The following NTNG1 variants were observed in gnomAD, a reference collection of about 807,000 sequenced individuals.
The protein encoded by NTNG1 is netrin G1, also known as netrin-G1.
NTNG1 carries 16 observed loss-of-function variants against 54.0 expected under a neutral mutation model. The ratio of observed to expected loss-of-function variants is 0.30; its 90% CI spans 0.20 to 0.45. The LOEUF (loss-of-function observed/expected upper bound fraction) is 0.45. Among genes scored for constraint, NTNG1 ranks in the 20% least tolerant of loss-of-function variants. The probability of loss-of-function intolerance (pLI) is 1.00; values close to 1 mark genes in which losing one functional copy is unlikely to be tolerated. For missense variants in NTNG1, 530 were observed against 678.7 expected, an observed-to-expected ratio of 0.78 and a Z score of 2.43; for synonymous variants, 255 against 263.1, an observed-to-expected ratio of 0.97 and a Z score of 0.30.
At chr1:107,257,375 T>C (rs1270453366) in intron 2 of NTNG1, among the ~76,000 whole-genome samples, 1 of 152,188 alleles carries the variant, frequency 6.6e-6, no homozygotes, top group African/African-American at 2.4e-5. Context: ...CTTCCAAATA[T>C]TTATTTTGTA....
intron 5 of NTNG1, among the ~76,000 whole-genome samples, chr1:107,426,931 T>A (rs1453876165): frequency 6.6e-6 from 1 of 152,056 alleles, no homozygotes; most frequent in Non-Finnish European, 1.5e-5. Flanking sequence ...TATTTTATTT[T>A]ATTTTGGGGG....
intron 2 of NTNG1, among the ~76,000 whole-genome samples, chr1:107,231,216 A>G (rs963935765): frequency 1.3e-5 from 2 of 152,190 alleles, no homozygotes; most frequent in African/African-American, 4.8e-5. Context: ...TGATCATCAT[A>G]AAAATCAATT....
chr1:107,237,090 T>A (rs747481947), intron 2 of NTNG1, among the ~76,000 whole-genome samples: 1 of 152,190 alleles, frequency 6.6e-6, no homozygotes, highest in Non-Finnish European at 1.5e-5. Context: ...TAGAGACCTG[T>A]TGAATGTCTT....
At chr1:107,412,146 A>T (rs1016016052) in intron 5 of NTNG1, among the ~76,000 whole-genome samples, 1 of 151,088 alleles carries the variant, frequency 6.6e-6, no homozygotes, top group Admixed American at 6.6e-5. Context: ...TTTGCCAGTT[A>T]TCTCTGTGGG....
intron 2 of NTNG1, among the ~76,000 whole-genome samples, chr1:107,281,813 C>A (rs1417737548): frequency 6.6e-6 from 1 of 152,080 alleles, no homozygotes; most frequent in Non-Finnish European, 1.5e-5. Context: ...AGTTACTAAG[C>A]ATACTTTGCA....
Position 107,188,949 on chromosome 1 carries a change from A to G in NTNG1, c.246+40110A>G, listed in dbSNP as rs188995536. ...CAAATTGGATAATGGCATACAAATC[A>G]ATGGAATTTTTCAGAGTATTAATTC... On this transcript the variant is annotated intron_variant, in intron 2 of 7. Transcript: ENST00000370068. 3.3e-5 allele frequency among the ~76,000 whole-genome samples: 5 copies of G among 152,234 alleles called. No individual in the cohort carries two copies. The East Asian group carries it at 9.7e-4, about 29-fold the overall frequency.
intron 3 of NTNG1, among the ~76,000 whole-genome samples, chr1:107,369,512 T>C (rs1670795073): frequency 6.6e-6 from 1 of 152,164 alleles, no homozygotes; most frequent in South Asian, 2.1e-4. Context: ...GCATTGAACA[T>C]CTTTCATTTG....
intron 7 of NTNG1, among the ~76,000 whole-genome samples, chr1:107,444,480 AGG>A (rs999994907): frequency 1.1e-4 from 16 of 152,122 alleles, no homozygotes; most frequent in African/African-American, 3.1e-4. Context: ...AGCTTAGCCT[AGG>A]GCAAATGCAG....
At chr1:107,251,857 T>C (rs1440103700) in intron 2 of NTNG1, among the ~76,000 whole-genome samples, 1 of 152,212 alleles carries the variant, frequency 6.6e-6, no homozygotes. Context: ...GTGCATAGTT[T>C]ATGCTTTTTC....
chr1:107,228,620 C>T (rs1660843482), intron 2 of NTNG1, among the ~76,000 whole-genome samples: 1 of 152,148 alleles, frequency 6.6e-6, no homozygotes, highest in South Asian at 2.1e-4. Flanking sequence ...AGATAGTTTA[C>T]AATAACTTTA....
At chr1:107,206,793 A>G (rs1659226044) in intron 2 of NTNG1, among the ~76,000 whole-genome samples, 1 of 152,288 alleles carries the variant, frequency 6.6e-6, no homozygotes, top group African/African-American at 2.4e-5. Context: ...TTATGAGTGA[A>G]TCAGAGACAA....
intron 2 of NTNG1, among the ~76,000 whole-genome samples, chr1:107,170,589 A>G (rs1010124801): frequency 6.6e-6 from 1 of 152,170 alleles, no homozygotes; most frequent in Non-Finnish European, 1.5e-5. Context: ...CCAGATATAA[A>G]TGGAACATAA....
At chr1:107,248,609 A>G (rs1662356532) in intron 2 of NTNG1, among the ~76,000 whole-genome samples, 1 of 152,218 alleles carries the variant, frequency 6.6e-6, no homozygotes, top group African/African-American at 2.4e-5. Flanking sequence ...CACTGAATCT[A>G]TAATGACGAT....
At chr1:107,147,078 G>A (rs1019388475) in intron 1 of NTNG1, among the ~76,000 whole-genome samples, 1 of 152,014 alleles carries the variant, frequency 6.6e-6, no homozygotes, top group Non-Finnish European at 1.5e-5. Flanking sequence ...GTTAGCATTT[G>A]TTCAGATTTG....
At chr1:107,356,094 C>T (rs1669916573) in intron 3 of NTNG1, among the ~76,000 whole-genome samples, 1 of 152,122 alleles carries the variant, frequency 6.6e-6, no homozygotes, top group South Asian at 2.1e-4. Context: ...ACCTCAGTGC[C>T]TGGAAAGTGT....
At chr1:107,288,324 G>T (rs910664270) in intron 2 of NTNG1, among the ~76,000 whole-genome samples, 5 of 152,108 alleles carry the variant, frequency 3.3e-5, no homozygotes, top group African/African-American at 1.2e-4. Flanking sequence ...CATTCAGACT[G>T]GGATGTCTGG....
chr1:107,222,114 T>C (rs934145203), intron 2 of NTNG1, among the ~76,000 whole-genome samples: 1 of 152,120 alleles, frequency 6.6e-6, no homozygotes, highest in African/African-American at 2.4e-5. Context: ...ATCTTCCATC[T>C]CGGTGGATAC....
At chr1:107,345,403 G>A (rs1257730325) in intron 3 of NTNG1, among the ~76,000 whole-genome samples, 1 of 152,196 alleles carries the variant, frequency 6.6e-6, no homozygotes, top group East Asian at 1.9e-4. Flanking sequence ...TCAAAGTTCT[G>A]TGGATTATGC....
At chr1:107,363,145 G>A (rs568471286) in intron 3 of NTNG1, among the ~76,000 whole-genome samples, 1 of 152,138 alleles carries the variant, frequency 6.6e-6, no homozygotes, top group African/African-American at 2.4e-5. Context: ...ATATGAATTA[G>A]TCTAATTATA....
Sources: allele counts gnomAD v4.1 joint callset (sites outside exome capture counted in the v4.1 genomes callset), GRCh38; gene constraint gnomAD v4.1.1; transcripts MANE v1.5; gene names NCBI Gene and HGNC (gene_info 2026-07-23, HGNC 2026-07-21).